CNTNAP4: variants seen among roughly 807,000 people sequenced by gnomAD.
CNTNAP4 encodes contactin-associated protein-like 4.
In CNTNAP4, 98 loss-of-function variants were observed where a neutral mutation model predicts 148.4. That is an observed-to-expected ratio of 0.66 (90% CI 0.56 to 0.78). The LOEUF (loss-of-function observed/expected upper bound fraction) is 0.78. Ranked by LOEUF, CNTNAP4 falls within the 30% of genes least tolerant of loss-of-function variation. The probability of loss-of-function intolerance (pLI) is 0.00; values close to 1 mark genes in which losing one functional copy is unlikely to be tolerated. For synonymous variants in CNTNAP4, 730 were observed against 565.1 expected (o/e 1.29, Z -4.14); for missense variants, 1,935 against 1,565.6 (o/e 1.24, Z -3.98).
chr16:76,374,375 A>G (rs1172076236), intron 3 of CNTNAP4, among the ~76,000 whole-genome samples: 1 of 152,194 alleles, frequency 6.6e-6, no homozygotes, highest in Non-Finnish European at 1.5e-5. Context: ...TTATGTTACT[A>G]ATTCCATCTT....
At chr16:76,393,651 G>A (rs1313036333) in intron 3 of CNTNAP4, among the ~76,000 whole-genome samples, 1 of 151,950 alleles carries the variant, frequency 6.6e-6, no homozygotes, top group African/African-American at 2.4e-5. Context: ...TTCATGGGGG[G>A]TGGGTGAGAG....
chr16:76,413,801 T>C (rs1246319854), intron 3 of CNTNAP4, among the ~76,000 whole-genome samples: 2 of 151,294 alleles, frequency 1.3e-5, no homozygotes, highest in African/African-American at 2.4e-5. Context: ...TGTAAAGGCA[T>C]TAAATATATT....
chr16:76,518,077 T>C (rs2083316314), intron 15 of CNTNAP4, among the ~76,000 whole-genome samples: 1 of 152,136 alleles, frequency 6.6e-6, no homozygotes, highest in South Asian at 2.1e-4. Flanking sequence ...TTATATAATT[T>C]CCTTTATTCT....
In CNTNAP4 at chr16:76,521,280, A is replaced by T. The variant is rs112577515; in HGVS notation, c.2506A>T (p.Ile836Phe). 9.6e-3 allele frequency: 15,435 copies of T among 1,611,866 alleles called. 112 individuals are homozygous for T. Among genetic ancestry groups the T allele is most frequent in the South Asian group, 0.018 (1,645 of 90,682 alleles). ...TGGGGTATTTTTAGAGAACTTGGGG[A>T]TTGCTGATTTTATACGGATAGAGCT... is the stretch of plus-strand genomic sequence containing the variant. ...SSGVFLENLG[I>F]ADFIRIELRS... Residue 836 changes from isoleucine (I) to phenylalanine (F), a missense_variant, in exon 16 of 24, where the codon ATT becomes TTT. Coordinates refer to ENST00000611870, the MANE Select transcript of CNTNAP4 (RefSeq NM_033401.5).
chr16:76,348,167 A>G (rs531077789), intron 2 of CNTNAP4, among the ~76,000 whole-genome samples: 8 of 152,096 alleles, frequency 5.3e-5, no homozygotes, highest in African/African-American at 1.9e-4. Context: ...TATGAGAGAA[A>G]GAAAGGGGTC....
intron 1 of CNTNAP4, chr16:76,310,022 A>C (rs181794325): frequency 3.2e-6 from 2 of 616,116 alleles, no homozygotes; most frequent in East Asian, 2.8e-5. Context: ...GGCTTCTTGC[A>C]CTGGTTGCTT....
At chr16:76,476,448 G>A (rs921604460) in intron 11 of CNTNAP4, among the ~76,000 whole-genome samples, 4 of 152,164 alleles carry the variant, frequency 2.6e-5, no homozygotes, top group African/African-American at 7.2e-5. Flanking sequence ...AGCCCTGGTT[G>A]GAGTGGGTTG....
At chr16:76,467,711 A>G (rs2081227151) in intron 10 of CNTNAP4, among the ~76,000 whole-genome samples, 188 bp downstream of exon 10, 1 of 152,228 alleles carries the variant, frequency 6.6e-6, no homozygotes, top group Non-Finnish European at 1.5e-5. Context: ...TTAAATGACA[A>G]CATTTGGAAG....
intron 10 of CNTNAP4, among the ~76,000 whole-genome samples, chr16:76,469,190 C>T (rs936621379): frequency 3.3e-5 from 5 of 152,130 alleles, no homozygotes; most frequent in African/African-American, 4.8e-5. Flanking sequence ...CACAAATACT[C>T]ATTTATTTGT....
chr16:76,545,048 A>G (rs2084648707), intron 21 of CNTNAP4, among the ~76,000 whole-genome samples: 1 of 152,248 alleles, frequency 6.6e-6, no homozygotes, highest in Non-Finnish European at 1.5e-5. Flanking sequence ...TTTTATAAAT[A>G]TATCATGAAA....
chr16:76,283,181 C>T (rs1958754076), intron 1 of CNTNAP4, among the ~76,000 whole-genome samples: 2 of 152,034 alleles, frequency 1.3e-5, no homozygotes, highest in South Asian at 4.1e-4. Context: ...ATCAGCTCTG[C>T]TCTACAAATA....
At chr16:76,439,076 A>G (rs2079941377) in intron 4 of CNTNAP4, among the ~76,000 whole-genome samples, 2 of 152,154 alleles carry the variant, frequency 1.3e-5, no homozygotes. Context: ...CTGTACACAC[A>G]GGAGGATTTG....
chr16:76,457,450 G>T (rs2080778335), intron 8 of CNTNAP4, among the ~76,000 whole-genome samples: 1 of 152,198 alleles, frequency 6.6e-6, no homozygotes, highest in African/African-American at 2.4e-5. Flanking sequence ...TAACCTGCTA[G>T]CTTGTTAGAT....
In CNTNAP4 at chr16:76,448,180, TAAG is replaced by T. The variant is rs2080320672; in HGVS notation, c.712_714del (p.Arg238del). The T allele has an allele frequency of 6.2e-7, 1 of 1,613,288 alleles. No homozygotes were observed. ...AATGGAGATCACATCACACTGCAAT[TAAG>T]AAGAGCAAGACTCTTTTTACTTATT... On this transcript the variant is annotated inframe_deletion, in exon 5 of 24. Transcript: ENST00000611870.
At chr16:76,449,013 G>A (rs3947083) in intron 6 of CNTNAP4, 62 bp downstream of exon 6, 680,461 of 1,458,734 alleles carry the variant, frequency 0.47, 162,696 homozygotes, top group Middle Eastern at 0.59. Flanking sequence ...TAATCTCCCA[G>A]AGGAAAATAC....
intron 3 of CNTNAP4, among the ~76,000 whole-genome samples, chr16:76,392,088 G>T (rs976380306): frequency 1.8e-4 from 27 of 152,236 alleles, no homozygotes; most frequent in East Asian, 1.4e-3. Context: ...CTGCCTCCCG[G>T]GTTCAAGGGA....
At chr16:76,496,107 G>GTGTGTGTGTGTGTGTA (rs1555576715) in intron 14 of CNTNAP4, among the ~76,000 whole-genome samples, 3,697 of 151,132 alleles carry the variant, frequency 0.024, 66 homozygotes, top group South Asian at 0.034. Flanking sequence ...GTGTGTGTGT[G>GTGTGTGTGTGTGTGTA]CGTGTATTTC....
chr16:76,360,012 G>T (rs1013124539), intron 3 of CNTNAP4, among the ~76,000 whole-genome samples: 1 of 152,222 alleles, frequency 6.6e-6, no homozygotes, highest in African/African-American at 2.4e-5. Flanking sequence ...CAATGAATGG[G>T]TTGGTACCAA....
chr16:76,490,033 A>G (rs918408221), intron 13 of CNTNAP4, 150 bp downstream of exon 13: 15 of 450,812 alleles, frequency 3.3e-5, no homozygotes, highest in Admixed American at 2.0e-4. Context: ...CACAGTCTGG[A>G]AGTCACAAAG....
Sources: allele counts gnomAD v4.1 joint callset (sites outside exome capture counted in the v4.1 genomes callset), GRCh38; gene constraint gnomAD v4.1.1; transcripts MANE v1.5; gene names NCBI Gene and HGNC (gene_info 2026-07-23, HGNC 2026-07-21).